SNX13: variants seen among roughly 807,000 people sequenced by gnomAD.
SNX13 encodes sorting nexin-13.
A neutral mutation model predicts 133.6 loss-of-function variants in SNX13; 45 were observed. The observed-to-expected ratio is 0.34, with a 90% CI of 0.27 to 0.43. The LOEUF (loss-of-function observed/expected upper bound fraction) is 0.43. Among genes scored for constraint, SNX13 ranks in the 20% least tolerant of loss-of-function variants. The pLI is 1.00. For missense variants in SNX13, 1,032 were observed against 1,145.1 expected (o/e 0.90, Z 1.43); for synonymous variants, 414 against 373.9 (o/e 1.11, Z -1.24).
intron 20 of SNX13, among the ~76,000 whole-genome samples, chr7:17,807,347 A>C (rs1347101457): frequency 2.6e-5 from 4 of 152,084 alleles, no homozygotes; most frequent in Non-Finnish European, 5.9e-5. Context: ...TATAGTGTAA[A>C]CAAAGCCTCA....
At chr7:17,807,516 A>C (rs1320837858) in intron 20 of SNX13, among the ~76,000 whole-genome samples, 1 of 152,182 alleles carries the variant, frequency 6.6e-6, no homozygotes, top group East Asian at 1.9e-4. Context: ...GCACCTGGTG[A>C]AAGGTGCGGT....
chr7:17,860,896 G>T (rs987185212), intron 9 of SNX13, among the ~76,000 whole-genome samples: 1 of 152,160 alleles, frequency 6.6e-6, no homozygotes, highest in Non-Finnish European at 1.5e-5. Context: ...GAAGGGTGAG[G>T]TGCAAAGAAA....
rs752884563 is a variant in SNX13 at position 17,875,685 on chromosome 7, T to C, written c.546A>G (p.Lys182=). The change falls in exon 6 of 26, where the codon AAA becomes AAG. Residue 182 remains lysine (K), a synonymous_variant. Transcript: ENST00000428135. ...FRKAQQKITE[K]DDQVKGTAED... ...AGATATTACCTTTCACTTGATCATC[T>C]TTCTCTGTTATTTTCTGTTGAGCCT... is the stretch of plus-strand genomic sequence containing the variant. The C allele has an allele frequency of 8.1e-6, 13 of 1,609,976 alleles. No homozygotes were observed. In the African/African-American group the frequency reaches 9.4e-5, roughly 12 times the overall value.
intron 1 of SNX13, among the ~76,000 whole-genome samples, chr7:17,920,243 G>A (rs1327238660): frequency 6.6e-6 from 1 of 152,140 alleles, no homozygotes; most frequent in Non-Finnish European, 1.5e-5. Flanking sequence ...TAGTTAACAT[G>A]ATATACTATA....
At chr7:17,821,909 A>G (rs2128302956) in intron 17 of SNX13, among the ~76,000 whole-genome samples, 1 of 152,322 alleles carries the variant, frequency 6.6e-6, no homozygotes, top group East Asian at 1.9e-4. Flanking sequence ...TATCAATCAC[A>G]AAGCGGTACC....
chr7:17,893,570 G>A (rs1193132773), intron 2 of SNX13, 136 bp from the exon 3 acceptor site: 1 of 602,386 alleles, frequency 1.7e-6, no homozygotes, highest in Non-Finnish European at 2.9e-6. Flanking sequence ...CTTTGGCAAA[G>A]CAAGAAATTG....
At chr7:17,805,272 T>TGCGCGCGCGCGC (rs1554304470) in intron 20 of SNX13, among the ~76,000 whole-genome samples, 1 of 80,754 alleles carries the variant, frequency 1.2e-5, no homozygotes. Flanking sequence ...CGCGCATGCA[T>TGCGCGCGCGCGC]GCACATGTGT....
At chr7:17,873,459 G>T in intron 8 of SNX13, 69 bp downstream of exon 8, 2 of 669,952 alleles carry the variant, frequency 3.0e-6, no homozygotes, top group Middle Eastern at 2.8e-4. Flanking sequence ...AGGGTCTTAA[G>T]ACAAAAATTT....
chr7:17,830,749 T>C (rs1788399138), intron 15 of SNX13: 1 of 978,428 alleles, frequency 1.0e-6, no homozygotes, highest in Non-Finnish European at 1.2e-6. Flanking sequence ...AAGTTACCAA[T>C]TAAGGTGTTC....
chr7:17,824,325 G>A (rs978723094), intron 17 of SNX13, among the ~76,000 whole-genome samples: 2 of 152,126 alleles, frequency 1.3e-5, no homozygotes, highest in Non-Finnish European at 2.9e-5. Flanking sequence ...CTGCTTCCTT[G>A]GGCCATTCTT....
intron 20 of SNX13, among the ~76,000 whole-genome samples, chr7:17,807,816 G>C (rs1335760365): frequency 7.2e-6 from 1 of 137,966 alleles, no homozygotes; most frequent in Non-Finnish European, 1.5e-5. Context: ...GGTGATACTC[G>C]GGCAAACAGG....
intron 1 of SNX13, among the ~76,000 whole-genome samples, chr7:17,903,177 T>C (rs1291953778): frequency 6.6e-6 from 1 of 152,204 alleles, no homozygotes; most frequent in Non-Finnish European, 1.5e-5. Flanking sequence ...CTCAAGATCA[T>C]CTACTGCAAT....
chr7:17,849,765 T>C (rs937327768), intron 11 of SNX13, among the ~76,000 whole-genome samples: 3 of 152,182 alleles, frequency 2.0e-5, no homozygotes, highest in Admixed American at 6.5e-5. Context: ...CTAAGATAGA[T>C]ACTTCAAAGG....
At chr7:17,825,951 G>C (rs1205541026) in intron 17 of SNX13, 71 bp downstream of exon 17, 2 of 1,114,196 alleles carry the variant, frequency 1.8e-6, no homozygotes, top group Non-Finnish European at 2.5e-6. Flanking sequence ...TAAAAATTAA[G>C]TGTGGAAAAT....
intron 20 of SNX13, among the ~76,000 whole-genome samples, chr7:17,805,114 A>C (rs901232324): frequency 1.3e-5 from 2 of 152,048 alleles, no homozygotes; most frequent in Non-Finnish European, 2.9e-5. Flanking sequence ...AAGAACAGAA[A>C]CTGGCTTGAA....
chr7:17,864,956 T>C (rs1443153168), intron 9 of SNX13, among the ~76,000 whole-genome samples: 3 of 151,938 alleles, frequency 2.0e-5, no homozygotes, highest in South Asian at 4.1e-4. Context: ...ACATTCAAAG[T>C]GCTGAAGGAA....
At chr7:17,870,658 G>C (rs1401856972) in intron 8 of SNX13, among the ~76,000 whole-genome samples, 2 of 152,108 alleles carry the variant, frequency 1.3e-5, no homozygotes, top group African/African-American at 2.4e-5. Flanking sequence ...AGGGTAAATG[G>C]GTTTCCTTTT....
intron 12 of SNX13, among the ~76,000 whole-genome samples, chr7:17,841,536 A>G (rs1337463364): frequency 1.4e-5 from 2 of 142,984 alleles, no homozygotes; most frequent in Admixed American, 1.5e-4. Flanking sequence ...TATTAGATTC[A>G]AACAGCCAGT....
chr7:17,851,254 C>T (rs1276118817), intron 9 of SNX13, among the ~76,000 whole-genome samples: 2 of 152,092 alleles, frequency 1.3e-5, no homozygotes, highest in African/African-American at 2.4e-5. Context: ...ACAAACTGAG[C>T]AAAAGATATG....
Sources: gnomAD v4.1 joint callset for allele counts (sites outside exome capture counted in the v4.1 genomes callset) on GRCh38, gnomAD v4.1.1 for gene constraint, MANE v1.5 for transcripts, NCBI Gene and HGNC (gene_info 2026-07-23, HGNC 2026-07-21) for gene names.